SCRN1: variants seen among roughly 807,000 people sequenced by gnomAD.
The protein encoded by SCRN1 is secernin-1.
Under a neutral mutation model 43.3 loss-of-function variants are expected in SCRN1, and 19 were observed. The ratio of observed to expected loss-of-function variants is 0.44; its 90% CI spans 0.31 to 0.64. The LOEUF (loss-of-function observed/expected upper bound fraction) is 0.64, where lower values mean the gene tolerates loss of function less well. SCRN1 is among the 30% of genes least tolerant of loss of function. The pLI, the probability that SCRN1 is intolerant of heterozygous loss-of-function variation, is 0.09. For missense variants in SCRN1, 447 were observed against 524.1 expected (o/e 0.85, Z 1.44); for synonymous variants, 183 against 188.9 (o/e 0.97, Z 0.26).
chr7:29,970,869 C>T (rs565346073), intron 1 of SCRN1, among the ~76,000 whole-genome samples: 2 of 152,318 alleles, frequency 1.3e-5, no homozygotes, highest in African/African-American at 4.8e-5. Flanking sequence ...CATTTATTCA[C>T]CACCCACAGG....
chr7:29,987,641 T>C (rs1329212254), intron 1 of SCRN1, among the ~76,000 whole-genome samples: 3 of 152,258 alleles, frequency 2.0e-5, no homozygotes, highest in Non-Finnish European at 2.9e-5. Context: ...GGTGTTGTCA[T>C]TGACTTTAAA....
intron 6 of SCRN1, among the ~76,000 whole-genome samples, chr7:29,932,651 CAAAAAA>C (rs1162835669): frequency 3.2e-3 from 26 of 8,040 alleles, no homozygotes; most frequent in South Asian, 0.016. Flanking sequence ...GATTCCATCT[CAAAAAA>C]AAAAAAAAAA....
In SCRN1 at chr7:29,923,723, A is replaced by G; in HGVS notation, c.*234T>C. ...CTTAAAATCCACAATTAGTCACACA[A>G]CCGAACAACAGGCAACGGGATACAT... On this transcript the variant is annotated 3_prime_UTR_variant, in exon 8 of 8. Coordinates refer to ENST00000242059, the MANE Select transcript of SCRN1 (RefSeq NM_014766.5). The G allele has an allele frequency of 2.2e-6, 1 of 446,030 alleles. No homozygotes were observed. Among genetic ancestry groups the G allele is most frequent in the Non-Finnish European group, 4.0e-6 (1 of 250,868 alleles). The allele number at this position is 446,030 out of a possible 1,614,324, so 27.6% of individuals were successfully genotyped here.
At position 29,921,638 on chromosome 7, in the gene SCRN1, T is replaced by C. The variant is rs532777740; in HGVS notation, c.*2319A>G. ...GCCCTCTAGTGGTAGGACTAGGACA[T>C]CACAATTGTGGTGCAGAGTATTAGC... On this transcript the variant is annotated 3_prime_UTR_variant, in exon 8 of 8. Transcript: ENST00000242059. 55 of 152,350 alleles carry C rather than the reference T, an allele frequency of 3.6e-4. 1 individual carries two copies. Among genetic ancestry groups the C allele is most frequent in the Middle Eastern group, 3.4e-3 (1 of 294 alleles). 9.4% of individuals were successfully genotyped at this position (152,350 alleles called of 1,614,324 possible).
At position 29,949,709 on chromosome 7, in the gene SCRN1, C is replaced by G. The variant is rs530494974; in HGVS notation, c.341+5470G>C. 1.3e-4 allele frequency among the ~76,000 whole-genome samples: 20 copies of G among 152,076 alleles called. No homozygotes were observed. The East Asian group carries it at 3.3e-3, about 25-fold the overall frequency. Reference sequence around the variant, plus strand: ...TCCTTCTTTCAGACAGGGTCTCGATCTGTTACCCAGGCTGGAGTGCAGTAG... The same window carrying G: ...TCCTTCTTTCAGACAGGGTCTCGATGTGTTACCCAGGCTGGAGTGCAGTAG... On this transcript the variant is annotated intron_variant, in intron 3 of 7. Transcript: ENST00000242059.
intron 3 of SCRN1, among the ~76,000 whole-genome samples, chr7:29,945,713 T>C (rs898382765): frequency 3.9e-5 from 6 of 152,218 alleles, no homozygotes; most frequent in African/African-American, 1.4e-4. Flanking sequence ...TCTTAAGTAA[T>C]GTGACCTTTC....
chr7:29,959,753 T>C (rs1322314250), intron 2 of SCRN1, among the ~76,000 whole-genome samples: 2 of 151,884 alleles, frequency 1.3e-5, no homozygotes, highest in African/African-American at 2.4e-5. Context: ...GCATAAGATC[T>C]TTGGGGAGGA....
chr7:29,972,739 G>A (rs948823586), intron 1 of SCRN1, among the ~76,000 whole-genome samples: 7 of 152,178 alleles, frequency 4.6e-5, no homozygotes, highest in African/African-American at 1.7e-4. Context: ...CTTCAGAGAT[G>A]ACTTTTCTGA....
At chr7:29,985,442 G>A (rs139703718) in intron 1 of SCRN1, among the ~76,000 whole-genome samples, 515 of 151,592 alleles carry the variant, frequency 3.4e-3, no homozygotes, top group African/African-American at 0.011. Flanking sequence ...ATAAAAGGAA[G>A]GAGACTGATA....
At chr7:29,944,740 C>T (rs898095625) in intron 3 of SCRN1, among the ~76,000 whole-genome samples, 3 of 151,750 alleles carry the variant, frequency 2.0e-5, no homozygotes, top group Non-Finnish European at 4.4e-5. Context: ...CATTTCCCTT[C>T]GACACAGGAG....
At chr7:29,927,665 A>G (rs1342923035) in intron 6 of SCRN1, among the ~76,000 whole-genome samples, 1 of 152,102 alleles carries the variant, frequency 6.6e-6, no homozygotes, top group African/African-American at 2.4e-5. Context: ...GATTTGTCAG[A>G]TTTGGACATT....
intron 3 of SCRN1, among the ~76,000 whole-genome samples, chr7:29,947,677 G>A (rs941693021): frequency 1.3e-5 from 2 of 152,202 alleles, no homozygotes; most frequent in African/African-American, 4.8e-5. Context: ...GAAGCAGGAA[G>A]GTAATGCTAT....
chr7:29,943,774 T>C (rs1787635069), intron 4 of SCRN1, among the ~76,000 whole-genome samples: 1 of 152,178 alleles, frequency 6.6e-6, no homozygotes, highest in African/African-American at 2.4e-5. Flanking sequence ...GTTAAGAGAC[T>C]GCTTCACTCC....
At chr7:29,931,382 C>A (rs1435758862) in intron 6 of SCRN1, among the ~76,000 whole-genome samples, 1 of 152,154 alleles carries the variant, frequency 6.6e-6, no homozygotes, top group Admixed American at 6.5e-5. Context: ...CAGCAGTGAA[C>A]AAAGAAGGGC....
chr7:29,971,633 CAA>C (rs397889529), intron 1 of SCRN1, among the ~76,000 whole-genome samples: 24 of 68,308 alleles, frequency 3.5e-4, no homozygotes, highest in South Asian at 5.2e-4. Context: ...GACCCTGTCT[CAA>C]AAAAAAAAAA....
upstream of SCRN1, chr7:29,989,915 T>G: frequency 8.5e-6 from 9 of 1,057,946 alleles, no homozygotes; most frequent in Non-Finnish European, 1.0e-5. Flanking sequence ...CCCGCGCGTC[T>G]GGCTGCACGG....
chr7:29,930,807 A>G (rs1787132479), intron 6 of SCRN1, among the ~76,000 whole-genome samples: 2 of 152,256 alleles, frequency 1.3e-5, no homozygotes, highest in Non-Finnish European at 2.9e-5. Context: ...CCAAAAGCAC[A>G]AAGTGCTTCC....
chr7:29,931,903 T>C (rs1387928224), intron 6 of SCRN1, among the ~76,000 whole-genome samples: 2 of 152,252 alleles, frequency 1.3e-5, no homozygotes, highest in Non-Finnish European at 2.9e-5. Flanking sequence ...CCAGCTTTAC[T>C]GTGAGCCACT....
rs1788460855 is a variant in SCRN1 at position 29,965,588 on chromosome 7, T to C, written c.159+3321A>G. On this transcript the variant is annotated intron_variant, in intron 2 of 7. Transcript: ENST00000242059. The surrounding 1 kb of genome is among the most constrained non-coding windows in gnomAD (Gnocchi z 4.2). ...ATATATGAGCTGGGGGAAATGAATT[T>C]GCTTTCTTACCCGTGAGGTTATTTC... Among the ~76,000 whole-genome samples the C allele has an allele frequency of 6.6e-6, 1 of 152,168 alleles. No homozygotes were observed. Among genetic ancestry groups the C allele is most frequent in the Admixed American group, 6.5e-5 (1 of 15,278 alleles).
Sources: allele counts gnomAD v4.1 joint callset (sites outside exome capture counted in the v4.1 genomes callset), GRCh38; gene constraint gnomAD v4.1.1; non-coding constraint Gnocchi (gnomAD v3.1); transcripts MANE v1.5; gene names NCBI Gene and HGNC (gene_info 2026-07-23, HGNC 2026-07-21).